Variants in GLP2R observed in about 807,000 individuals in gnomAD.
The protein encoded by GLP2R is glucagon like peptide 2 receptor.
A neutral mutation model predicts 68.2 loss-of-function variants in GLP2R; 59 were observed. The ratio of observed to expected loss-of-function variants is 0.87; its 90% CI spans 0.70 to 1.07. GLP2R has a LOEUF of 1.07. GLP2R is among the 50% of genes least tolerant of loss of function. The pLI is 0.00. For synonymous variants in GLP2R, 270 were observed against 265.4 expected (o/e 1.02, Z -0.17); for missense variants, 548 against 677.4 (o/e 0.81, Z 2.12).
intron 11 of GLP2R, among the ~76,000 whole-genome samples, chr17:9,882,329 T>C (rs1033705087): frequency 6.6e-6 from 1 of 152,182 alleles, no homozygotes. Context: ...GAAGTTATCA[T>C]TCTATCTGGG....
intron 9 of GLP2R, among the ~76,000 whole-genome samples, chr17:9,865,317 TGTG>T (rs768491000): frequency 4.1e-5 from 4 of 96,916 alleles, no homozygotes; most frequent in South Asian, 4.9e-4. Flanking sequence ...TGTGATTTTG[TGTG>T]TGTGTGTGTG....
At chr17:9,847,235 A>G (rs965851857) in intron 4 of GLP2R, among the ~76,000 whole-genome samples, 2 of 152,202 alleles carry the variant, frequency 1.3e-5, no homozygotes, top group Non-Finnish European at 2.9e-5. Context: ...TATTCTGAAT[A>G]TAATTTATTC....
chr17:9,843,783 C>A (rs773772942), intron 4 of GLP2R, among the ~76,000 whole-genome samples: 7 of 152,208 alleles, frequency 4.6e-5, no homozygotes, highest in Non-Finnish European at 8.8e-5. Flanking sequence ...TATCTACGGC[C>A]ACACCTTGGT....
At chr17:9,858,341 A>G (rs966816453) in intron 6 of GLP2R, among the ~76,000 whole-genome samples, 1 of 152,236 alleles carries the variant, frequency 6.6e-6, no homozygotes, top group African/African-American at 2.4e-5. Context: ...AATAAATCCA[A>G]CTAGGTTTTG....
At chr17:9,839,309 C>CA (rs2066762471) in intron 3 of GLP2R, among the ~76,000 whole-genome samples, 1 of 152,102 alleles carries the variant, frequency 6.6e-6, no homozygotes, top group Non-Finnish European at 1.5e-5. Flanking sequence ...GTGTTGGAGG[C>CA]AGAATGCTCA....
chr17:9,841,947 T>C (rs938720909), intron 3 of GLP2R, among the ~76,000 whole-genome samples: 9 of 152,332 alleles, frequency 5.9e-5, no homozygotes, highest in African/African-American at 2.2e-4. Context: ...CTCATCATTT[T>C]CACATACACT....
intron 9 of GLP2R, among the ~76,000 whole-genome samples, chr17:9,868,588 A>G (rs6503257): frequency 0.25 from 37,696 of 152,012 alleles, 7,248 homozygotes; most frequent in African/African-American, 0.52. Context: ...AATGAAGAAC[A>G]GCACCATCCA....
intron 10 of GLP2R, among the ~76,000 whole-genome samples, chr17:9,878,161 C>T (rs1041837139): frequency 3.9e-5 from 6 of 152,058 alleles, no homozygotes; most frequent in African/African-American, 1.4e-4. Context: ...TAGTACAAGC[C>T]GGGTGGGGGC....
intron 9 of GLP2R, among the ~76,000 whole-genome samples, chr17:9,864,505 TG>T (rs1400106395): frequency 6.7e-6 from 1 of 150,190 alleles, no homozygotes; most frequent in African/African-American, 2.5e-5. Context: ...TTTGTTTGTT[TG>T]TTTGTTTGTT....
At chr17:9,888,784 A>T (rs991056474) in intron 12 of GLP2R, among the ~76,000 whole-genome samples, 11 of 152,058 alleles carry the variant, frequency 7.2e-5, no homozygotes, top group African/African-American at 2.4e-4. Context: ...GCTTTTAGTT[A>T]TTCATATTAT....
chr17:9,865,932 T>C (rs2067032522), intron 9 of GLP2R: 1 of 471,128 alleles, frequency 2.1e-6, no homozygotes, highest in Non-Finnish European at 4.4e-6. Context: ...CACTGACATA[T>C]ACCCCAGAGA....
chr17:9,857,622 G>A (rs1169759312), intron 6 of GLP2R, 46 bp downstream of exon 6: 2 of 1,589,056 alleles, frequency 1.3e-6, no homozygotes, highest in South Asian at 1.1e-5. Flanking sequence ...CACCTGATGG[G>A]TCAGTACTGG....
intron 11 of GLP2R, among the ~76,000 whole-genome samples, chr17:9,887,505 G>A (rs1347499338): frequency 1.3e-5 from 2 of 152,124 alleles, no homozygotes; most frequent in Non-Finnish European, 2.9e-5. Context: ...CTAGCCTGGC[G>A]ACAAGAGTGA....
Position 9,891,234 on chromosome 17 carries a change from C to A in GLP2R, c.*1529C>A, listed in dbSNP as rs1318532850. On this transcript the variant is annotated 3_prime_UTR_variant, in exon 13 of 13. Transcript: ENST00000262441. ...CTGAGATTGGAATTCAATCATGCAT[C>A]TTGTCTTTTACTGGCATCTCTGTTT... 6.6e-6 allele frequency: 1 copy of A among 152,208 alleles called. No individual in the cohort carries two copies. The highest frequency in any genetic ancestry group is 1.5e-5 in the Non-Finnish European group (1 of 68,032). 9.4% of individuals were successfully genotyped at this position (152,208 alleles called of 1,614,324 possible).
intron 10 of GLP2R, among the ~76,000 whole-genome samples, chr17:9,878,961 C>T (rs931814526): frequency 6.6e-6 from 1 of 152,096 alleles, no homozygotes; most frequent in African/African-American, 2.4e-5. Context: ...CAATTACGCT[C>T]CTCTTTCCCA....
intron 10 of GLP2R, 97 bp downstream of exon 10, chr17:9,870,932 G>T: frequency 1.4e-6 from 1 of 717,354 alleles, no homozygotes; most frequent in South Asian, 1.6e-5. Flanking sequence ...ATCTCCTAAG[G>T]CCAGGGTATC....
At chr17:9,831,203 T>C (rs1186536925) in intron 1 of GLP2R, among the ~76,000 whole-genome samples, 1 of 152,166 alleles carries the variant, frequency 6.6e-6, no homozygotes, top group African/African-American at 2.4e-5. Flanking sequence ...TTGTTGCCCC[T>C]TGTGAGAAGA....
At chr17:9,881,015 G>A (rs114787347) in intron 11 of GLP2R, among the ~76,000 whole-genome samples, 3,965 of 152,244 alleles carry the variant, frequency 0.026, 68 homozygotes, top group East Asian at 0.086. Context: ...AAATATTTTG[G>A]TCATCTATTG....
chr17:9,871,175 C>T (rs929860936), intron 10 of GLP2R, among the ~76,000 whole-genome samples: 4 of 152,104 alleles, frequency 2.6e-5, no homozygotes, highest in African/African-American at 7.2e-5. Context: ...TGAGAACAGC[C>T]TGGACAACAT....
Sources: gnomAD v4.1 joint callset for allele counts (sites outside exome capture counted in the v4.1 genomes callset) on GRCh38, gnomAD v4.1.1 for gene constraint, MANE v1.5 for transcripts, NCBI Gene and HGNC (gene_info 2026-07-23, HGNC 2026-07-21) for gene names.